The following CFAP299 variants were observed in gnomAD, a reference collection of about 807,000 sequenced individuals.
The protein encoded by CFAP299 is cilia and flagella associated protein 299.
A neutral mutation model predicts 27.0 loss-of-function variants in CFAP299; 21 were observed. The observed-to-expected ratio is 0.78, with a 90% CI of 0.55 to 1.12. CFAP299 has a LOEUF of 1.12. Among genes scored for constraint, CFAP299 ranks in the 50% most tolerant of loss-of-function variants. The pLI is 0.00. For synonymous variants in CFAP299, 104 were observed against 98.1 expected, an observed-to-expected ratio of 1.06 and a Z score of -0.36; for missense variants, 310 against 276.6, an observed-to-expected ratio of 1.12 and a Z score of -0.86.
At chr4:80,702,139 A>G (rs1242264937) in intron 3 of CFAP299, among the ~76,000 whole-genome samples, 2 of 151,854 alleles carry the variant, frequency 1.3e-5, no homozygotes, top group South Asian at 2.1e-4. Context: ...TTTTTATAAT[A>G]TCCTTTCAAA....
At chr4:80,588,641 T>G (rs931506359) in intron 3 of CFAP299, among the ~76,000 whole-genome samples, 2 of 151,026 alleles carry the variant, frequency 1.3e-5, no homozygotes, top group African/African-American at 2.5e-5. Context: ...CTTTCCCAGT[T>G]AAATCTTATG....
intron 3 of CFAP299, among the ~76,000 whole-genome samples, chr4:80,599,227 G>A (rs939104618): frequency 6.6e-5 from 10 of 152,060 alleles, no homozygotes; most frequent in Non-Finnish European, 8.8e-5. Flanking sequence ...TAATCTCTAC[G>A]TCTGTCCTTT....
intron 2 of CFAP299, among the ~76,000 whole-genome samples, chr4:80,423,786 A>G (rs2110072156): frequency 6.6e-6 from 1 of 152,224 alleles, no homozygotes; most frequent in African/African-American, 2.4e-5. Context: ...TGGGTGACTC[A>G]CCCACTGTAT....
chr4:80,565,128 C>T (rs1299716756), intron 2 of CFAP299, among the ~76,000 whole-genome samples: 1 of 151,840 alleles, frequency 6.6e-6, no homozygotes, highest in Non-Finnish European at 1.5e-5. Context: ...GGAAATCTTC[C>T]TTCTAGAATT....
chr4:80,335,672 C>A (rs1722094711), upstream of CFAP299: 2 of 770,022 alleles, frequency 2.6e-6, no homozygotes, highest in Non-Finnish European at 4.7e-6. Context: ...AAAGCTCACA[C>A]CGGCTTCAAC....
intron 3 of CFAP299, among the ~76,000 whole-genome samples, chr4:80,858,568 A>C (rs529588532): frequency 1.3e-5 from 2 of 151,600 alleles, no homozygotes; most frequent in African/African-American, 2.4e-5. Context: ...TTCCCTCTAC[A>C]CACTGCTTTG....
chr4:80,496,063 G>T (rs1731421259), intron 2 of CFAP299, among the ~76,000 whole-genome samples: 1 of 152,174 alleles, frequency 6.6e-6, no homozygotes, highest in African/African-American at 2.4e-5. Flanking sequence ...TTTTCCCATT[G>T]TCTTGCCTAT....
At chr4:80,688,830 A>T (rs1395103879) in intron 3 of CFAP299, among the ~76,000 whole-genome samples, 7 of 151,964 alleles carry the variant, frequency 4.6e-5, no homozygotes, top group African/African-American at 1.7e-4. Flanking sequence ...AGAATAACCA[A>T]TACAGAGAAG....
At chr4:80,576,700 C>A (rs1735883848) in intron 2 of CFAP299, among the ~76,000 whole-genome samples, 1 of 152,126 alleles carries the variant, frequency 6.6e-6, no homozygotes, top group African/African-American at 2.4e-5. Flanking sequence ...TACTCAACTA[C>A]TGTTTTTCAC....
chr4:80,872,366 G>T (rs1041296186), intron 4 of CFAP299: 1 of 151,986 alleles, frequency 6.6e-6, no homozygotes, highest in Non-Finnish European at 1.5e-5. Context: ...GAATAATGGT[G>T]AATCTATAAT....
At chr4:80,713,200 T>C (rs1722274644) in intron 3 of CFAP299, among the ~76,000 whole-genome samples, 1 of 152,068 alleles carries the variant, frequency 6.6e-6, no homozygotes, top group Non-Finnish European at 1.5e-5. Context: ...TTAATGTTAA[T>C]GGATCTTAAA....
chr4:80,947,243 G>A (rs1323409570), intron 5 of CFAP299, among the ~76,000 whole-genome samples: 1 of 152,128 alleles, frequency 6.6e-6, no homozygotes, highest in Non-Finnish European at 1.5e-5. Flanking sequence ...TGAATAAAGA[G>A]CAAGCATTTG....
intron 3 of CFAP299, among the ~76,000 whole-genome samples, chr4:80,800,282 ATAATATAT>A (rs1274543263): frequency 1.3e-5 from 1 of 75,384 alleles, no homozygotes; most frequent in African/African-American, 5.6e-5. Flanking sequence ...TATATAATAT[ATAATATAT>A]TAATATATAT....
chr4:80,773,867 T>C (rs1344802551), intron 3 of CFAP299, among the ~76,000 whole-genome samples: 1 of 152,020 alleles, frequency 6.6e-6, no homozygotes, highest in Non-Finnish European at 1.5e-5. Flanking sequence ...CATTATATTT[T>C]GGAGTTTAAT....
intron 1 of CFAP299, among the ~76,000 whole-genome samples, chr4:80,357,418 G>A (rs1487072419): frequency 6.6e-6 from 1 of 152,186 alleles, no homozygotes; most frequent in Non-Finnish European, 1.5e-5. Context: ...AATGGTACCA[G>A]CTCTTCTTTG....
At chr4:80,941,274 G>A (rs979111305) in intron 4 of CFAP299, among the ~76,000 whole-genome samples, 3 of 152,006 alleles carry the variant, frequency 2.0e-5, no homozygotes, top group Non-Finnish European at 4.4e-5. Flanking sequence ...GGAATACAAA[G>A]GGCTGACTAT....
chr4:80,712,064 G>A (rs778306216), intron 3 of CFAP299, among the ~76,000 whole-genome samples: 10 of 152,254 alleles, frequency 6.6e-5, no homozygotes, highest in East Asian at 3.9e-4. Context: ...CCAAGTGCAC[G>A]TATCTCAAAA....
At chr4:80,404,066 T>G (rs1480203092) in intron 2 of CFAP299, among the ~76,000 whole-genome samples, 8 of 152,182 alleles carry the variant, frequency 5.3e-5, no homozygotes, top group African/African-American at 1.9e-4. Context: ...TGAACATACA[T>G]GATTTAAAAA....
chr4:80,496,921 C>T (rs566809410), intron 2 of CFAP299, among the ~76,000 whole-genome samples: 1 of 152,146 alleles, frequency 6.6e-6, no homozygotes, highest in East Asian at 1.9e-4. Context: ...AGGTAGGTGC[C>T]ACAGTTTTAA....
Sources: gnomAD v4.1 joint callset for allele counts (sites outside exome capture counted in the v4.1 genomes callset) on GRCh38, gnomAD v4.1.1 for gene constraint, MANE v1.5 for transcripts, NCBI Gene and HGNC (gene_info 2026-07-23, HGNC 2026-07-21) for gene names.